Variants in ADARB1 observed in about 807,000 individuals in gnomAD.
ADARB1 encodes double-stranded RNA-specific editase 1.
ADARB1 carries 10 observed loss-of-function variants against 52.4 expected under a neutral mutation model. The observed-to-expected ratio is 0.19, with a 90% CI of 0.12 to 0.32. The LOEUF (loss-of-function observed/expected upper bound fraction) is 0.32, where lower values mean the gene tolerates loss of function less well. ADARB1 is among the 10% of genes least tolerant of loss of function. ADARB1 has a pLI of 1.00. For missense variants in ADARB1, 643 were observed against 922.3 expected, an observed-to-expected ratio of 0.70 and a Z score of 3.92; for synonymous variants, 349 against 371.1, an observed-to-expected ratio of 0.94 and a Z score of 0.68.
chr21:45,095,501 G>A (rs988919228), intron 1 of ADARB1, among the ~76,000 whole-genome samples: 4 of 152,098 alleles, frequency 2.6e-5, no homozygotes, highest in African/African-American at 7.2e-5. Flanking sequence ...TCACATTGTC[G>A]TCCACGTTTC....
At position 45,222,308 on chromosome 21, in the gene ADARB1, G is replaced by C; in HGVS notation, c.*111G>C. ...GCATACCTTGGGGAGGGAGTAGGGG[G>C]ACACGGGGGACCACCAGGTGTCCAC... On this transcript the variant is annotated 3_prime_UTR_variant, in exon 11 of 11. Transcript: ENST00000348831. 16 of 1,261,740 alleles carry C rather than the reference G, an allele frequency of 1.3e-5. No individual in the cohort carries two copies. Among genetic ancestry groups the C allele is most frequent in the Admixed American group, 3.5e-5 (1 of 28,594 alleles). 78.2% of individuals were successfully genotyped at this position (1,261,740 alleles called of 1,614,324 possible). A position where few individuals can be genotyped will look rare whatever the true frequency, so the allele number is the denominator to read the frequency against.
chr21:45,219,989 CTTT>C (rs10718648), intron 9 of ADARB1, among the ~76,000 whole-genome samples: 45 of 121,946 alleles, frequency 3.7e-4, no homozygotes, highest in African/African-American at 6.9e-4. Flanking sequence ...TCTTGGTAGC[CTTT>C]TTTTTTTTTT....
chr21:45,151,543 C>T (rs1249024973), intron 2 of ADARB1, among the ~76,000 whole-genome samples: 1 of 152,118 alleles, frequency 6.6e-6, no homozygotes, highest in Admixed American at 6.5e-5. Context: ...CTTGACTCCT[C>T]CCCATAATCG....
intron 2 of ADARB1, among the ~76,000 whole-genome samples, chr21:45,165,728 T>C (rs913498657): frequency 3.9e-5 from 6 of 152,236 alleles, no homozygotes; most frequent in African/African-American, 1.4e-4. Context: ...AAGCAAATCA[T>C]CTTTCAATTT....
intron 1 of ADARB1, among the ~76,000 whole-genome samples, chr21:45,107,120 C>A (rs900831472): frequency 6.6e-6 from 1 of 152,022 alleles, no homozygotes; most frequent in Non-Finnish European, 1.5e-5. Flanking sequence ...AGAGACAACC[C>A]CATTAACAAT....
intron 1 of ADARB1, among the ~76,000 whole-genome samples, chr21:45,106,390 T>C (rs1366665690): frequency 6.6e-6 from 1 of 152,200 alleles, no homozygotes; most frequent in Non-Finnish European, 1.5e-5. Context: ...TTTATCATCA[T>C]GTCTCTAAGG....
chr21:45,097,703 G>A (rs1404533868), intron 1 of ADARB1, among the ~76,000 whole-genome samples: 3 of 152,142 alleles, frequency 2.0e-5, no homozygotes, highest in Non-Finnish European at 4.4e-5. Flanking sequence ...CTGTGGTGAT[G>A]GGGAGGGTAG....
intron 2 of ADARB1, among the ~76,000 whole-genome samples, chr21:45,129,228 C>CA (rs959880659): frequency 1.2e-3 from 170 of 142,368 alleles, no homozygotes; most frequent in East Asian, 0.011. Context: ...GACTCTTTCT[C>CA]AAAAAAAAAA....
intron 1 of ADARB1, among the ~76,000 whole-genome samples, chr21:45,116,384 T>G (rs899425139): frequency 6.6e-6 from 1 of 152,256 alleles, no homozygotes; most frequent in Non-Finnish European, 1.5e-5. Flanking sequence ...AAAGATTTAA[T>G]TTTTTATTTA....
At chr21:45,117,389 A>G (rs1166863803) in intron 1 of ADARB1, among the ~76,000 whole-genome samples, 2 of 152,166 alleles carry the variant, frequency 1.3e-5, no homozygotes, top group Non-Finnish European at 2.9e-5. Context: ...TTGTGTCAGC[A>G]CTGGATTCTG....
At chr21:45,180,552 C>T in intron 5 of ADARB1, 108 bp downstream of exon 5, 1 of 870,458 alleles carries the variant, frequency 1.1e-6, no homozygotes, top group Non-Finnish European at 1.9e-6. Context: ...GAGATGGTTA[C>T]TTCTTTTCTT....
intron 2 of ADARB1, 150 bp from the exon 3 acceptor site, chr21:45,171,460 G>C: frequency 1.7e-6 from 1 of 603,844 alleles, no homozygotes; most frequent in Non-Finnish European, 2.9e-6. Flanking sequence ...CCAGATGGCA[G>C]ATCTGACTTC....
chr21:45,087,342 C>G (rs2086386059), intron 1 of ADARB1, among the ~76,000 whole-genome samples: 2 of 152,192 alleles, frequency 1.3e-5, no homozygotes, highest in Admixed American at 1.3e-4. Flanking sequence ...AGGATGACCT[C>G]TGTGAATTGG....
At chr21:45,133,224 G>A (rs893988099) in intron 2 of ADARB1, among the ~76,000 whole-genome samples, 1 of 152,268 alleles carries the variant, frequency 6.6e-6, no homozygotes, top group South Asian at 2.1e-4. Flanking sequence ...GCTTCTGACT[G>A]AGGGTCCTCT....
At chr21:45,100,925 G>C (rs17004733) in intron 1 of ADARB1, 1 of 152,336 alleles carries the variant, frequency 6.6e-6, no homozygotes, top group African/African-American at 2.4e-5. Context: ...GCTCACTGAC[G>C]AGTTGCCACC....
chr21:45,087,798 C>T (rs1318163491), intron 1 of ADARB1, among the ~76,000 whole-genome samples: 1 of 152,120 alleles, frequency 6.6e-6, no homozygotes, highest in African/African-American at 2.4e-5. Flanking sequence ...GGCAGGGCCA[C>T]AGCAAAGGGG....
In ADARB1 at chr21:45,204,362, C is replaced by A. The variant is rs958341225; in HGVS notation, c.1566-193C>A. Reference sequence around the variant, plus strand: ...TAAAAACAAACACAGTGTAAAATAACTTTTAAGTAGATTTTTGTCTTTGTG... The same window carrying A: ...TAAAAACAAACACAGTGTAAAATAAATTTTAAGTAGATTTTTGTCTTTGTG... On this transcript the variant is annotated intron_variant, in intron 8 of 10. Transcript: ENST00000348831. This position sits in a 1 kb window ranked among gnomAD's most constrained non-coding sequence, Gnocchi z 4.4. 6.6e-6 allele frequency among the ~76,000 whole-genome samples: 1 copy of A among 152,192 alleles called. No homozygotes were observed. Among genetic ancestry groups the A allele is most frequent in the Non-Finnish European group, 1.5e-5 (1 of 68,038 alleles).
chr21:45,220,714 G>A lies in ADARB1; in HGVS notation c.1748-122G>A. 9.5e-7 allele frequency: 1 copy of A among 1,051,762 alleles called. No individual in the cohort carries two copies. Among genetic ancestry groups the A allele is most frequent in the Non-Finnish European group, 1.4e-6 (1 of 713,578 alleles). The allele number at this position is 1,051,762 out of a possible 1,614,324, so 65.2% of individuals were successfully genotyped here. ...TCAAGTCTGCGTATATTCCTCGGCA[G>A]GCAGAATTCCCCCACCACGCACTTC... On this transcript the variant is annotated intron_variant, in intron 9 of 10. Transcript: ENST00000348831. The surrounding 1 kb of genome is among the most constrained non-coding windows in gnomAD (Gnocchi z 6.3).
intron 8 of ADARB1, among the ~76,000 whole-genome samples, chr21:45,199,237 GT>G (rs759752789): frequency 6.6e-6 from 1 of 152,314 alleles, no homozygotes; most frequent in Middle Eastern, 3.4e-3. Context: ...TCTCTTCTGA[GT>G]TCAGGGTCTT....
Sources: gnomAD v4.1 joint callset for allele counts (sites outside exome capture counted in the v4.1 genomes callset) on GRCh38, gnomAD v4.1.1 for gene constraint, Gnocchi (gnomAD v3.1) non-coding constraint, MANE v1.5 for transcripts, NCBI Gene and HGNC (gene_info 2026-07-23, HGNC 2026-07-21) for gene names.